CTNNA3: variants seen among roughly 807,000 people sequenced by gnomAD.
CTNNA3 encodes the protein catenin alpha 3, also known as catenin alpha-3.
A neutral mutation model predicts 95.7 loss-of-function variants in CTNNA3; 76 were observed. The observed-to-expected ratio is 0.79, with a 90% CI of 0.66 to 0.96. The LOEUF (loss-of-function observed/expected upper bound fraction) is 0.96. Ranked by LOEUF, CTNNA3 falls within the 40% of genes least tolerant of loss-of-function variation. The probability of loss-of-function intolerance (pLI) is 0.00; values close to 1 mark genes in which losing one functional copy is unlikely to be tolerated. For missense variants in CTNNA3, 1,191 were observed against 1,089.8 expected (o/e 1.09, Z -1.31); for synonymous variants, 431 against 374.4 (o/e 1.15, Z -1.74).
At chr10:66,922,764 T>C (rs1846856555) in intron 7 of CTNNA3, among the ~76,000 whole-genome samples, 1 of 152,218 alleles carries the variant, frequency 6.6e-6, no homozygotes. Context: ...AAAGCAATTT[T>C]TGTTGTAGCA....
intron 11 of CTNNA3, among the ~76,000 whole-genome samples, chr10:66,381,162 T>C (rs558024415): frequency 6.6e-6 from 1 of 152,224 alleles, no homozygotes; most frequent in Admixed American, 6.5e-5. Context: ...ACATATTTTA[T>C]GATTTCCAAA....
intron 14 of CTNNA3, among the ~76,000 whole-genome samples, chr10:66,085,892 C>A (rs2080964329): frequency 8.9e-6 from 1 of 112,818 alleles, no homozygotes; most frequent in Admixed American, 9.0e-5. Context: ...ACAATCACTG[C>A]CTAAGATTCA....
At chr10:67,023,195 A>G (rs1853140504) in intron 7 of CTNNA3, among the ~76,000 whole-genome samples, 1 of 152,126 alleles carries the variant, frequency 6.6e-6, no homozygotes, top group East Asian at 1.9e-4. Flanking sequence ...ATAAAGGAAA[A>G]GATGGTATGG....
chr10:66,399,340 TAAGA>T (rs2093002612), intron 11 of CTNNA3, among the ~76,000 whole-genome samples: 1 of 151,810 alleles, frequency 6.6e-6, no homozygotes. Flanking sequence ...TTCAACATTT[TAAGA>T]AAGAAACTGA....
chr10:66,271,387 G>A (rs1234219928), intron 13 of CTNNA3, among the ~76,000 whole-genome samples: 3 of 152,094 alleles, frequency 2.0e-5, no homozygotes, highest in African/African-American at 7.2e-5. Flanking sequence ...TATGTTTGAA[G>A]AGGTTAGCAT....
At chr10:66,699,395 T>C (rs576554407) in intron 9 of CTNNA3, among the ~76,000 whole-genome samples, 88 of 152,284 alleles carry the variant, frequency 5.8e-4, no homozygotes, top group Non-Finnish European at 9.1e-4. Flanking sequence ...TTGGTGTTTT[T>C]CTTTTTTTCT....
At chr10:66,867,235 T>C (rs2132428997) in intron 7 of CTNNA3, among the ~76,000 whole-genome samples, 1 of 152,366 alleles carries the variant, frequency 6.6e-6, no homozygotes, top group Non-Finnish European at 1.5e-5. Context: ...GTTTTCTCTC[T>C]GAAACAACTC....
At chr10:67,326,813 T>A (rs903626240) in intron 5 of CTNNA3, among the ~76,000 whole-genome samples, 4 of 152,190 alleles carry the variant, frequency 2.6e-5, no homozygotes, top group African/African-American at 9.7e-5. Context: ...TCCTGAAATA[T>A]ATTTTCCAAG....
intron 17 of CTNNA3, among the ~76,000 whole-genome samples, chr10:65,938,489 G>A (rs946768601): frequency 6.6e-6 from 1 of 152,154 alleles, no homozygotes; most frequent in African/African-American, 2.4e-5. Context: ...ATAGTGAGAT[G>A]ACTGGGGACT....
At chr10:67,242,328 G>A (rs1865746559) in intron 5 of CTNNA3, among the ~76,000 whole-genome samples, 1 of 152,180 alleles carries the variant, frequency 6.6e-6, no homozygotes, top group African/African-American at 2.4e-5. Context: ...ATCTAACTTT[G>A]ATAAAGGAAA....
intron 13 of CTNNA3, among the ~76,000 whole-genome samples, chr10:66,216,240 T>C (rs1250999964): frequency 1.3e-5 from 2 of 152,228 alleles, no homozygotes; most frequent in African/African-American, 4.8e-5. Context: ...ATCCGATCTT[T>C]GTATGTTGGT....
At chr10:66,056,235 C>A (rs2133554829) in intron 15 of CTNNA3, among the ~76,000 whole-genome samples, 1 of 152,050 alleles carries the variant, frequency 6.6e-6, no homozygotes, top group East Asian at 1.9e-4. Context: ...GGGTTTTTAC[C>A]ATGAAGGGAT....
intron 6 of CTNNA3, among the ~76,000 whole-genome samples, chr10:67,185,113 C>T (rs1305633633): frequency 1.3e-5 from 2 of 151,728 alleles, no homozygotes; most frequent in Non-Finnish European, 2.9e-5. Context: ...TGTTTTCTTC[C>T]TATTTTTCTT....
chr10:66,607,860 C>G (rs540872049), intron 10 of CTNNA3, among the ~76,000 whole-genome samples: 4 of 152,250 alleles, frequency 2.6e-5, no homozygotes, highest in African/African-American at 9.6e-5. Context: ...TGGGCAAAAG[C>G]TGGAAGCACT....
At chr10:66,230,415 G>C (rs974108037) in intron 13 of CTNNA3, among the ~76,000 whole-genome samples, 2 of 152,198 alleles carry the variant, frequency 1.3e-5, no homozygotes, top group East Asian at 3.9e-4. Flanking sequence ...TAAGGTTCTA[G>C]GTGGGCACTG....
intron 9 of CTNNA3, among the ~76,000 whole-genome samples, chr10:66,724,847 A>C (rs1007676067): frequency 1.3e-5 from 2 of 152,172 alleles, no homozygotes; most frequent in African/African-American, 4.8e-5. Flanking sequence ...ATATGTGTAT[A>C]TGTAACCTAC....
intron 7 of CTNNA3, among the ~76,000 whole-genome samples, chr10:66,830,898 C>T (rs895724907): frequency 1.1e-4 from 16 of 152,124 alleles, no homozygotes; most frequent in African/African-American, 3.1e-4. Flanking sequence ...CGTGAGCCAC[C>T]GCGCCTGGCC....
chr10:66,153,880 T>C (rs934721921), intron 13 of CTNNA3, among the ~76,000 whole-genome samples: 50 of 128,362 alleles, frequency 3.9e-4, no homozygotes, highest in African/African-American at 7.9e-4. Flanking sequence ...CACACACACA[T>C]ACCTATATAA....
In CTNNA3 at chr10:66,927,702, C is replaced by G. The variant is rs1847153038; in HGVS notation, c.1048-152178G>C. On this transcript the variant is annotated intron_variant, in intron 7 of 17. Transcript: ENST00000433211. The surrounding 1 kb of genome is among the most constrained non-coding windows in gnomAD (Gnocchi z 4.7). ...CCTTACAAAGGCTTGATTTATCAGG[C>G]AATGAGATCGAAGCTTTCAGTGGAC... 1 of 1,614,046 alleles carries G rather than the reference C, an allele frequency of 6.2e-7. No homozygotes were observed. Among genetic ancestry groups the G allele is most frequent in the African/African-American group, 1.3e-5 (1 of 74,904 alleles).
Sources: allele counts gnomAD v4.1 joint callset (sites outside exome capture counted in the v4.1 genomes callset), GRCh38; gene constraint gnomAD v4.1.1; non-coding constraint Gnocchi (gnomAD v3.1); transcripts MANE v1.5; gene names NCBI Gene and HGNC (gene_info 2026-07-23, HGNC 2026-07-21).